RAVER1: variants seen among roughly 807,000 people sequenced by gnomAD.
The protein encoded by RAVER1 is ribonucleoprotein, PTB binding 1.
Under a neutral mutation model 68.4 loss-of-function variants are expected in RAVER1, and 36 were observed. The observed-to-expected ratio is 0.53, with a 90% CI of 0.40 to 0.70. The LOEUF is 0.70. RAVER1 is among the 30% of genes least tolerant of loss of function. The probability of loss-of-function intolerance (pLI) is 0.00; values close to 1 mark genes in which losing one functional copy is unlikely to be tolerated. For synonymous variants in RAVER1, 469 were observed against 472.7 expected (o/e 0.99, Z 0.10); for missense variants, 933 against 1,019.8 (o/e 0.91, Z 1.16).
chr19:10,326,274 T>C (rs776788253), intron 3 of RAVER1, among the ~76,000 whole-genome samples: 1 of 151,912 alleles, frequency 6.6e-6, no homozygotes, highest in Non-Finnish European at 1.5e-5. Flanking sequence ...TAAAATAAAA[T>C]AAAAGAAAGG....
chr19:10,323,153 C>T lies in RAVER1; in HGVS notation c.1070G>A (p.Gly357Glu), dbSNP rs778694710. 1.3e-6 allele frequency: 2 copies of T among 1,598,048 alleles called. No individual in the cohort carries two copies. The highest frequency in any genetic ancestry group is 1.1e-5 in the South Asian group (1 of 88,926). ...GTCCAGCCCCACCTTACCCTGCTTC[C>T]CCCCCGCACTGCCATGGAGCAGGGG... ...LNPLLHGSAG[G>E]KQGLLGAPPA... Residue 357 changes from glycine to glutamate, a missense_variant, in exon 5 of 13, where the codon GGG (glycine) becomes GAG (glutamate). By Grantham distance (98) the Gly-to-Glu change is moderately conservative (BLOSUM62 -2). Coordinates refer to ENST00000617231, the MANE Select transcript of RAVER1 (RefSeq NM_133452.3). This position sits in a 1 kb window ranked among gnomAD's most constrained non-coding sequence, Gnocchi z 6.2.
Position 10,316,352 on chromosome 19 carries a change from C to T in RAVER1, c.*1102G>A. On this transcript the variant is annotated 3_prime_UTR_variant, in exon 13 of 13. Transcript: ENST00000617231. ...GGAGGGAAGCTGGTGGCCCAGTTGG[C>T]TGGGGGCAAGGCCCAGGGTCACCTC... 9.0e-7 allele frequency: 1 copy of T among 1,116,546 alleles called. No individual in the cohort carries two copies. Among genetic ancestry groups the T allele is most frequent in the Non-Finnish European group, 1.1e-6 (1 of 912,316 alleles). 69.2% of individuals were successfully genotyped at this position (1,116,546 alleles called of 1,614,324 possible). A position where few individuals can be genotyped will look rare whatever the true frequency, so the allele number is the denominator to read the frequency against.
At position 10,318,233 on chromosome 19, in the gene RAVER1, C is replaced by T. The variant is rs2145064521; in HGVS notation, c.1985G>A (p.Ser662Asn). 1 of 1,604,528 alleles carries T rather than the reference C, an allele frequency of 6.2e-7. No homozygotes were observed. The highest frequency in any genetic ancestry group is 2.3e-5 in the East Asian group (1 of 44,280). The change falls in exon 11 of 13, where the codon AGT becomes AAT. Residue 662 changes from serine (S) to asparagine (N), a missense_variant. By Grantham distance (46) the Ser-to-Asn change is conservative. This residue lies in a region of RAVER1 where 699 missense variants were observed against 731.1 expected (regional missense o/e 0.96). Coordinates refer to ENST00000617231, the MANE Select transcript of RAVER1 (RefSeq NM_133452.3). ...TTGGCCAGAGAGGTTCCTCACCTTA[C>T]TGAGGTGGCTCTGCTTGAGGCCAGC... ...LQAGLKQSHL[S>N]KAIGSSPLGS...
At chr19:10,330,984 C>T (rs1227003526) in intron 1 of RAVER1, among the ~76,000 whole-genome samples, 1 of 150,056 alleles carries the variant, frequency 6.7e-6, no homozygotes, top group Non-Finnish European at 1.5e-5. Flanking sequence ...GAACTGCTTG[C>T]ACCCAGGAGG....
At position 10,329,810 on chromosome 19, in the gene RAVER1, C is replaced by T. The variant is rs1350218789; in HGVS notation, c.286+650G>A. Reference sequence around the variant, plus strand: ...GTGCAGCCTGTGCGGGCTCGCTGACCTCCCCTCCCATCTCACCGCTGCCAC... The same window carrying T: ...GTGCAGCCTGTGCGGGCTCGCTGACTTCCCCTCCCATCTCACCGCTGCCAC... On this transcript the variant is annotated intron_variant, in intron 2 of 12. Transcript: ENST00000617231. This position sits in a 1 kb window ranked among gnomAD's most constrained non-coding sequence, Gnocchi z 4.6. Among the ~76,000 whole-genome samples, 2 of 152,124 alleles carry T rather than the reference C, an allele frequency of 1.3e-5. No individual in the cohort carries two copies. The highest frequency in any genetic ancestry group is 4.8e-5 in the African/African-American group (2 of 41,430).
At chr19:10,324,436 G>A (rs1412288592) in intron 3 of RAVER1, among the ~76,000 whole-genome samples, 1 of 152,154 alleles carries the variant, frequency 6.6e-6, no homozygotes, top group Admixed American at 6.6e-5. Flanking sequence ...CCGGAGTGCA[G>A]TGATGTGAAC....
chr19:10,320,487 G>A (rs1236260726), intron 9 of RAVER1, among the ~76,000 whole-genome samples, 168 bp downstream of exon 9: 2 of 146,078 alleles, frequency 1.4e-5, no homozygotes, highest in Non-Finnish European at 1.5e-5. Flanking sequence ...CAGGGCAGCA[G>A]AGGGAGACCC....
At chr19:10,324,371 C>T (rs909471057) in intron 3 of RAVER1, among the ~76,000 whole-genome samples, 3 of 152,062 alleles carry the variant, frequency 2.0e-5, no homozygotes, top group Admixed American at 6.6e-5. Context: ...ATAACCAAAC[C>T]TGTCGGCTTT....
rs1406630505 is a variant in RAVER1 at position 10,328,985 on chromosome 19, T to C, written c.413A>G (p.Asn138Ser). ...CTGCTGTGTGAGGCTGGGGGGCAGG[T>C]TGGCCACACACAGCAGGGCATCCGT... ...QPTDALLCVA[N>S]LPPSLTQQQF... The change falls in exon 3 of 13, where the codon AAC becomes AGC. Residue 138 changes from asparagine (N) to serine (S), a missense_variant. Around this residue, in one of 3 missense-constraint regions of RAVER1, gnomAD observed 211 missense variants for 230.0 expected, o/e 0.92. Coordinates refer to ENST00000617231, the MANE Select transcript of RAVER1 (RefSeq NM_133452.3). This position sits in a 1 kb window ranked among gnomAD's most constrained non-coding sequence, Gnocchi z 4.4. 3 of 1,594,900 alleles carry C rather than the reference T, an allele frequency of 1.9e-6. No homozygotes were observed. The highest frequency in any genetic ancestry group is 2.6e-6 in the Non-Finnish European group (3 of 1,168,146).
chr19:10,321,367 T>C, intron 7 of RAVER1, 108 bp from the exon 8 acceptor site: 12 of 780,630 alleles, frequency 1.5e-5, no homozygotes, highest in Non-Finnish European at 2.1e-5. Context: ...GACAAATCCA[T>C]GCTGGCCACT....
chr19:10,322,822 A>C lies in RAVER1; in HGVS notation c.1079-83T>G. ...ACGAAACACAGCCCTGAACCCATTG[A>C]TGGGGCAGGAAACTGACACTCTGGG... On this transcript the variant is annotated intron_variant, in intron 5 of 12. Transcript: ENST00000617231. The surrounding 1 kb of genome is among the most constrained non-coding windows in gnomAD (Gnocchi z 4.3). 1.3e-6 allele frequency: 1 copy of C among 772,980 alleles called. No individual in the cohort carries two copies. The highest frequency in any genetic ancestry group is 1.8e-5 in the African/African-American group (1 of 55,588). The allele number at this position is 772,980 out of a possible 1,614,324, so 47.9% of individuals were successfully genotyped here.
chr19:10,322,657 G>T lies in RAVER1; in HGVS notation c.1161C>A (p.Thr387=). The T allele has an allele frequency of 1.3e-6, 2 of 1,536,120 alleles. No homozygotes were observed. The highest frequency in any genetic ancestry group is 1.7e-6 in the Non-Finnish European group (2 of 1,149,966). Residue 387 remains threonine, a synonymous_variant, in exon 6 of 13, where the codon ACC becomes ACA. Transcript: ENST00000617231. This position sits in a 1 kb window ranked among gnomAD's most constrained non-coding sequence, Gnocchi z 4.3. ...ATGCGTGTGTTACCTTCTGGCCCTG[G>T]GTCTGCAGGGCGAGCTGCAACAGCG... ...STALLQLALQ[T]QGQKKPGILG...
rs1404635812 is a variant in RAVER1, at chr19:10,323,346, C to T, written c.948+29G>A. ...CATCCCCATGGGGCTCCCATCCCCACCCCGCCACCTCTGCCCGCACAGGCT... is the reference window on the plus strand; with the variant it reads ...CATCCCCATGGGGCTCCCATCCCCATCCCGCCACCTCTGCCCGCACAGGCT... On this transcript the variant is annotated intron_variant, in intron 4 of 12. Transcript: ENST00000617231. The surrounding 1 kb of genome is among the most constrained non-coding windows in gnomAD (Gnocchi z 6.2). 6 of 1,607,818 alleles carry T rather than the reference C, an allele frequency of 3.7e-6. No individual in the cohort carries two copies. Among genetic ancestry groups the T allele is most frequent in the South Asian group, 1.1e-5 (1 of 90,568 alleles).
chr19:10,316,330 G>A lies in RAVER1; in HGVS notation c.*1124C>T. The A allele has an allele frequency of 1.8e-6, 2 of 1,139,600 alleles. No homozygotes were observed. The highest frequency in any genetic ancestry group is 2.2e-6 in the Non-Finnish European group (2 of 926,558). The allele number at this position is 1,139,600 out of a possible 1,614,324, so 70.6% of individuals were successfully genotyped here. On this transcript the variant is annotated 3_prime_UTR_variant, in exon 13 of 13. Coordinates refer to ENST00000617231, the MANE Select transcript of RAVER1 (RefSeq NM_133452.3). ...GATGTGGACCCCCAGAGTCAAGGGA[G>A]GGAAGCTGGTGGCCCAGTTGGCTGG...
In RAVER1 at chr19:10,317,405, C is replaced by G. The variant is rs763456832; in HGVS notation, c.*49G>C. ...AACACAAAACAAAACATCAGAAAAC[C>G]CAAAAGCGATTTGGTGCAGGCCCTT... On this transcript the variant is annotated 3_prime_UTR_variant, in exon 13 of 13. Transcript: ENST00000617231. This position sits in a 1 kb window ranked among gnomAD's most constrained non-coding sequence, Gnocchi z 4.3. 8.1e-6 allele frequency: 13 copies of G among 1,595,818 alleles called. No homozygotes were observed. Among genetic ancestry groups the G allele is most frequent in the Admixed American group, 5.2e-5 (3 of 57,776 alleles).
At position 10,316,839 on chromosome 19, in the gene RAVER1, GGGCCCCAC is replaced by G. The variant is rs1298400786; in HGVS notation, c.*607_*614del. On this transcript the variant is annotated 3_prime_UTR_variant, in exon 13 of 13. Transcript: ENST00000617231. ...GGGAGGGGGCTGCGGCAGGGACCCC[GGGCCCCAC>G]GGCTGGGGTATAGGCCAGATGGGCA... 1 of 153,688 alleles carries G rather than the reference GGGCCCCAC, an allele frequency of 6.5e-6. No individual in the cohort carries two copies. 9.5% of individuals were successfully genotyped at this position (153,688 alleles called of 1,614,324 possible). A position where few individuals can be genotyped will look rare whatever the true frequency, so the allele number is the denominator to read the frequency against.
Position 10,322,471 on chromosome 19 carries a change from A to T in RAVER1, c.1173+174T>A, listed in dbSNP as rs994975419. 3.7e-6 allele frequency: 2 copies of T among 536,112 alleles called. No individual in the cohort carries two copies. The highest frequency in any genetic ancestry group is 4.1e-5 in the African/African-American group (2 of 49,320). The allele number at this position is 536,112 out of a possible 1,614,324, so 33.2% of individuals were successfully genotyped here. A position where few individuals can be genotyped will look rare whatever the true frequency, so the allele number is the denominator to read the frequency against. ...GCGAACCATCATGAGCAATTGCCAG[A>T]GGGGGATGGGGATGTGGGTGGGAAA... On this transcript the variant is annotated intron_variant, in intron 6 of 12. Coordinates refer to ENST00000617231, the MANE Select transcript of RAVER1 (RefSeq NM_133452.3). This position sits in a 1 kb window ranked among gnomAD's most constrained non-coding sequence, Gnocchi z 4.3.
Position 10,317,543 on chromosome 19 carries a change from T to C in RAVER1, c.2131A>G (p.Ser711Gly). The change falls in exon 13 of 13, where the codon AGC (serine) becomes GGC (glycine). Residue 711 changes from serine to glycine, a missense_variant. Physicochemically the swap from Ser to Gly is moderately conservative, Grantham distance 56. Coordinates refer to ENST00000617231, the MANE Select transcript of RAVER1 (RefSeq NM_133452.3). The surrounding 1 kb of genome is among the most constrained non-coding windows in gnomAD (Gnocchi z 4.3). ...TGGCCCACATAGCTGCCTTCTGGGC[T>C]GGGCTCGGGCGAGGGCAGCAGGTGG... Reference protein sequence around the residue: ...FAHLLPSPEPSPEGSYVGQHS... With the variant: ...FAHLLPSPEPGPEGSYVGQHS... 1.2e-6 allele frequency: 2 copies of C among 1,612,836 alleles called. No homozygotes were observed. Among genetic ancestry groups the C allele is most frequent in the Middle Eastern group, 1.7e-4 (1 of 6,012 alleles).
chr19:10,331,342 G>A (rs1386119131), intron 1 of RAVER1, among the ~76,000 whole-genome samples: 1 of 111,864 alleles, frequency 8.9e-6, no homozygotes, highest in African/African-American at 3.5e-5. Flanking sequence ...GGGCGACAGA[G>A]CGAGACTCCG....
Sources: allele counts gnomAD v4.1 joint callset (sites outside exome capture counted in the v4.1 genomes callset), GRCh38; gene constraint gnomAD v4.1.1; regional missense constraint gnomAD v4.1.1; non-coding constraint Gnocchi (gnomAD v3.1); transcripts MANE v1.5; gene names NCBI Gene and HGNC (gene_info 2026-07-23, HGNC 2026-07-21).